BMPR1A: variants seen among roughly 807,000 people sequenced by gnomAD.
BMPR1A encodes bone morphogenetic protein receptor type 1A, also known as bone morphogenetic protein receptor type-1A.
Under a neutral mutation model 66.0 loss-of-function variants are expected in BMPR1A, and 7 were observed. That is an observed-to-expected ratio of 0.11 (90% confidence interval 0.06 to 0.20). The LOEUF (loss-of-function observed/expected upper bound fraction) is 0.20, where lower values mean the gene tolerates loss of function less well. BMPR1A is among the 10% of genes least tolerant of loss of function. BMPR1A has a pLI of 1.00. For missense variants in BMPR1A, 408 were observed against 669.1 expected, an observed-to-expected ratio of 0.61 and a Z score of 4.31; for synonymous variants, 200 against 229.7, an observed-to-expected ratio of 0.87 and a Z score of 1.17.
At chr10:86,817,409 A>C (rs1008339772) in intron 1 of BMPR1A, among the ~76,000 whole-genome samples, 3 of 152,140 alleles carry the variant, frequency 2.0e-5, no homozygotes, top group Admixed American at 2.0e-4. Context: ...ATGTTGTGGC[A>C]TGTCTCAGAA....
At chr10:86,869,237 G>A (rs562406642) in intron 2 of BMPR1A, among the ~76,000 whole-genome samples, 17 of 151,924 alleles carry the variant, frequency 1.1e-4, no homozygotes, top group East Asian at 1.9e-4. Context: ...TGGACAGATC[G>A]CCTGAGGTCC....
At position 86,830,590 on chromosome 10, in the gene BMPR1A, A is replaced by G. The variant is rs1422386890; in HGVS notation, c.-267-8275A>G. On this transcript the variant is annotated intron_variant, in intron 1 of 12. Coordinates refer to ENST00000372037, the MANE Select transcript of BMPR1A (RefSeq NM_004329.3). The stretch of plus-strand genomic sequence containing the variant: ...TCCCTGATGTCTAGTAATGTTGACC[A>G]TATCTTTTCATGCGCGTATTTGCCG... Among the ~76,000 whole-genome samples, 6 of 152,172 alleles carry G rather than the reference A, an allele frequency of 3.9e-5. No individual in the cohort carries two copies. In the South Asian group the frequency reaches 1.2e-3, roughly 32 times the overall value.
rs771932684 is a variant in BMPR1A at position 86,917,247 on chromosome 10, C to T, written c.789C>T (p.Phe263=). The change falls in exon 9 of 13, where the codon TTC becomes TTT. Residue 263 remains phenylalanine, a synonymous_variant. Coordinates refer to ENST00000372037, the MANE Select transcript of BMPR1A (RefSeq NM_004329.3). ...GCGAAAAAGTGGCGGTGAAAGTATT[C>T]TTTACCACTGAAGAAGCCAGCTGGT... The part of the protein sequence containing the change: ...WRGEKVAVKV[F]FTTEEASWFR... The T allele has an allele frequency of 4.3e-6, 7 of 1,613,764 alleles. No homozygotes were observed. Among genetic ancestry groups the T allele is most frequent in the East Asian group, 2.2e-5 (1 of 44,872 alleles).
chr10:86,922,253 A>G (rs897075476), intron 11 of BMPR1A, among the ~76,000 whole-genome samples: 52 of 152,176 alleles, frequency 3.4e-4, no homozygotes, highest in African/African-American at 1.3e-3. Context: ...TTCTGGCTGA[A>G]TGATACTCCA....
In BMPR1A at chr10:86,797,118, G is replaced by C. The variant is rs1292764666; in HGVS notation, c.-268+40199G>C. Among the ~76,000 whole-genome samples the C allele has an allele frequency of 3.5e-5, 5 of 141,208 alleles. No individual in the cohort carries two copies. In the Admixed American group the frequency reaches 3.8e-4, roughly 11 times the overall value. 92.6% of individuals were successfully genotyped at this position (141,208 alleles called of 152,430 possible). On this transcript the variant is annotated intron_variant, in intron 1 of 12. Coordinates refer to ENST00000372037, the MANE Select transcript of BMPR1A (RefSeq NM_004329.3). ...CTTGCTCTGTCGCCCAGGCTGGAGT[G>C]CAGTGGCGCGATCTCTGCTCACTGC...
At chr10:86,804,023 A>G (rs1176163907) in intron 1 of BMPR1A, among the ~76,000 whole-genome samples, 2 of 152,264 alleles carry the variant, frequency 1.3e-5, no homozygotes, top group South Asian at 2.1e-4. Context: ...TTTTTCCACT[A>G]TATTTTCTAA....
intron 2 of BMPR1A, among the ~76,000 whole-genome samples, chr10:86,844,358 G>C (rs1394486758): frequency 1.3e-5 from 2 of 152,158 alleles, no homozygotes; most frequent in Non-Finnish European, 1.5e-5. Flanking sequence ...ATTTCTACAG[G>C]TATAATTCAG....
intron 2 of BMPR1A, among the ~76,000 whole-genome samples, chr10:86,851,842 G>C (rs1423976516): frequency 6.6e-6 from 1 of 152,188 alleles, no homozygotes. Flanking sequence ...GTTGTCAGAT[G>C]ACAAAAAGTC....
At chr10:86,887,907 G>A (rs1200999930) in intron 3 of BMPR1A, among the ~76,000 whole-genome samples, 1 of 152,132 alleles carries the variant, frequency 6.6e-6, no homozygotes. Context: ...GTAGGCCCAT[G>A]GCAAAACAGA....
chr10:86,881,601 G>T (rs1282383648), intron 3 of BMPR1A, among the ~76,000 whole-genome samples: 1 of 152,190 alleles, frequency 6.6e-6, no homozygotes, highest in African/African-American at 2.4e-5. Flanking sequence ...ATATTGGACA[G>T]CACAGCTCTC....
intron 1 of BMPR1A, among the ~76,000 whole-genome samples, chr10:86,787,907 C>T (rs1426335911): frequency 6.6e-6 from 1 of 151,634 alleles, no homozygotes; most frequent in African/African-American, 2.4e-5. Flanking sequence ...CCAATCATCT[C>T]CCAGCAGGCC....
intron 1 of BMPR1A, among the ~76,000 whole-genome samples, chr10:86,787,305 T>C (rs1359541976): frequency 1.3e-5 from 2 of 152,142 alleles, no homozygotes; most frequent in Non-Finnish European, 2.9e-5. Flanking sequence ...GATTTTAGTT[T>C]GAAAAATAAG....
intron 7 of BMPR1A, among the ~76,000 whole-genome samples, chr10:86,907,777 G>T (rs1190653542): frequency 2.0e-5 from 3 of 152,184 alleles, no homozygotes; most frequent in African/African-American, 7.2e-5. Context: ...TTTCATAGAG[G>T]TGGTAAGTAG....
At chr10:86,911,002 A>C (rs1843472899) in intron 7 of BMPR1A, among the ~76,000 whole-genome samples, 2 of 151,998 alleles carry the variant, frequency 1.3e-5, no homozygotes, top group African/African-American at 4.8e-5. Flanking sequence ...GAAAAATACA[A>C]AAATTAGCCA....
chr10:86,907,023 C>T (rs982970105), intron 7 of BMPR1A, among the ~76,000 whole-genome samples: 4 of 152,022 alleles, frequency 2.6e-5, no homozygotes, highest in East Asian at 1.9e-4. Context: ...TTCCCTTTCT[C>T]ACATTCCTGT....
intron 2 of BMPR1A, among the ~76,000 whole-genome samples, chr10:86,868,400 G>T (rs1202635760): frequency 6.6e-6 from 1 of 152,232 alleles, no homozygotes; most frequent in East Asian, 1.9e-4. Context: ...TGATGGGGAG[G>T]AGTGTAGAGA....
At chr10:86,827,723 T>G (rs1224298616) in intron 1 of BMPR1A, among the ~76,000 whole-genome samples, 1 of 152,214 alleles carries the variant, frequency 6.6e-6, no homozygotes, top group Non-Finnish European at 1.5e-5. Context: ...GTTTTGAGTT[T>G]TAGCCTATTT....
chr10:86,838,658 C>A (rs142762985), intron 1 of BMPR1A, among the ~76,000 whole-genome samples: 1 of 149,880 alleles, frequency 6.7e-6, no homozygotes, highest in East Asian at 2.0e-4. Context: ...ACTGTTCCCA[C>A]AGAACTAACT....
At chr10:86,787,694 C>T (rs1045733107) in intron 1 of BMPR1A, among the ~76,000 whole-genome samples, 6 of 152,124 alleles carry the variant, frequency 3.9e-5, no homozygotes, top group Admixed American at 2.6e-4. Context: ...TTAATGGACT[C>T]ACAGTAATGC....
Sources: allele counts gnomAD v4.1 joint callset (sites outside exome capture counted in the v4.1 genomes callset), GRCh38; gene constraint gnomAD v4.1.1; transcripts MANE v1.5; gene names NCBI Gene and HGNC (gene_info 2026-07-23, HGNC 2026-07-21).